The following FOXP2 variants were observed in gnomAD, a reference collection of about 807,000 sequenced individuals.
The protein encoded by FOXP2 is forkhead box protein P2.
FOXP2 carries 12 observed loss-of-function variants against 115.8 expected under a neutral mutation model. The ratio of observed to expected loss-of-function variants is 0.10; its 90% CI spans 0.07 to 0.17. The LOEUF (loss-of-function observed/expected upper bound fraction) is 0.17, where lower values mean the gene tolerates loss of function less well. Ranked by LOEUF, FOXP2 falls within the 10% of genes least tolerant of loss-of-function variation. The pLI is 1.00. For missense variants in FOXP2, 629 were observed against 843.5 expected (o/e 0.75, Z 3.15); for synonymous variants, 328 against 297.7 (o/e 1.10, Z -1.05).
At chr7:114,207,730 A>T (rs1202514058) in intron 1 of FOXP2, among the ~76,000 whole-genome samples, 1 of 152,192 alleles carries the variant, frequency 6.6e-6, no homozygotes, top group Admixed American at 6.5e-5. Flanking sequence ...GTTTATAGCA[A>T]TTTGAATTTG....
At chr7:114,450,144 C>T (rs141160964) in intron 2 of FOXP2, among the ~76,000 whole-genome samples, 2 of 152,082 alleles carry the variant, frequency 1.3e-5, no homozygotes, top group African/African-American at 4.8e-5. Context: ...AGCTTTGAAA[C>T]TCAATGCCAT....
At chr7:114,457,919 A>G (rs868713659) in intron 2 of FOXP2, among the ~76,000 whole-genome samples, 3 of 151,496 alleles carry the variant, frequency 2.0e-5, no homozygotes, top group Admixed American at 6.6e-5. Flanking sequence ...AAGTCTTCTC[A>G]TTTTTGTATT....
At chr7:114,324,870 A>T (rs928938362) in intron 2 of FOXP2, among the ~76,000 whole-genome samples, 1 of 151,832 alleles carries the variant, frequency 6.6e-6, no homozygotes, top group Admixed American at 6.6e-5. Context: ...TTTTCTTTTT[A>T]AAAAATCCAG....
intron 1 of FOXP2, among the ~76,000 whole-genome samples, chr7:114,257,225 G>T (rs569997454): frequency 1.3e-5 from 2 of 152,188 alleles, no homozygotes; most frequent in East Asian, 3.9e-4. Context: ...ATGGTGCTGG[G>T]AGAACTGGCT....
At chr7:114,641,053 G>A (rs1429458397) in intron 6 of FOXP2, among the ~76,000 whole-genome samples, 1 of 152,002 alleles carries the variant, frequency 6.6e-6, no homozygotes, top group Non-Finnish European at 1.5e-5. Flanking sequence ...TCTTAATATA[G>A]TATTTTAATA....
At chr7:114,483,453 T>C (rs1484464482) in intron 2 of FOXP2, among the ~76,000 whole-genome samples, 1 of 151,700 alleles carries the variant, frequency 6.6e-6, no homozygotes, top group African/African-American at 2.4e-5. Flanking sequence ...TTCTACTTGG[T>C]ATCTCTGAAA....
intron 2 of FOXP2, among the ~76,000 whole-genome samples, chr7:114,476,551 T>C (rs570816283): frequency 2.0e-5 from 3 of 152,126 alleles, no homozygotes; most frequent in East Asian, 3.9e-4. Context: ...AGTTTGGTAG[T>C]GTGATGCCTC....
chr7:114,304,630 A>C (rs1280980844), intron 2 of FOXP2, among the ~76,000 whole-genome samples: 2 of 140,544 alleles, frequency 1.4e-5, no homozygotes, highest in Non-Finnish European at 3.0e-5. Context: ...AGATCGCGCA[A>C]CTGCACTCCA....
intron 1 of FOXP2, among the ~76,000 whole-genome samples, chr7:114,164,790 T>C (rs1178166802): frequency 2.6e-5 from 4 of 152,216 alleles, no homozygotes; most frequent in African/African-American, 9.6e-5. Flanking sequence ...GGTGGGTCAG[T>C]ACCGTGCTCC....
chr7:114,538,557 A>G (rs1344427627), intron 3 of FOXP2, among the ~76,000 whole-genome samples: 1 of 151,710 alleles, frequency 6.6e-6, no homozygotes, highest in African/African-American at 2.4e-5. Context: ...TAAAAAGCAA[A>G]AGAGAATTAA....
chr7:114,614,124 T>A (rs1803793254), intron 3 of FOXP2, among the ~76,000 whole-genome samples: 1 of 152,200 alleles, frequency 6.6e-6, no homozygotes, highest in Non-Finnish European at 1.5e-5. Context: ...ATACGTTCCG[T>A]TTTAATTTTG....
intron 1 of FOXP2, among the ~76,000 whole-genome samples, chr7:114,165,107 T>G (rs2129151494): frequency 6.6e-6 from 1 of 152,260 alleles, no homozygotes; most frequent in Non-Finnish European, 1.5e-5. Flanking sequence ...TCCAGAATTT[T>G]CTGGTATGTT....
intron 2 of FOXP2, among the ~76,000 whole-genome samples, chr7:114,354,693 C>T (rs969980782): frequency 3.3e-5 from 5 of 152,088 alleles, no homozygotes; most frequent in African/African-American, 1.2e-4. Flanking sequence ...TCTTCTCCCT[C>T]CCCCTATATT....
At chr7:114,313,756 AAAAAAAC>A (rs1415943891) in intron 2 of FOXP2, among the ~76,000 whole-genome samples, 3 of 53,484 alleles carry the variant, frequency 5.6e-5, no homozygotes, top group East Asian at 5.2e-4. Flanking sequence ...AAAAAAAAAA[AAAAAAAC>A]AAAAATATTG....
intron 1 of FOXP2, among the ~76,000 whole-genome samples, chr7:114,219,929 C>T (rs1280206023): frequency 2.6e-5 from 4 of 151,692 alleles, no homozygotes; most frequent in Non-Finnish European, 5.9e-5. Flanking sequence ...TGCAGTGGCG[C>T]GATCTCGGCT....
At chr7:114,178,913 G>T (rs1332248704) in intron 1 of FOXP2, among the ~76,000 whole-genome samples, 3 of 151,458 alleles carry the variant, frequency 2.0e-5, no homozygotes, top group Non-Finnish European at 3.0e-5. Flanking sequence ...CTTTATGAAC[G>T]TCAACACAAT....
intron 1 of FOXP2, among the ~76,000 whole-genome samples, chr7:114,225,102 G>A (rs1185015002): frequency 6.6e-6 from 1 of 151,926 alleles, no homozygotes; most frequent in East Asian, 1.9e-4. Context: ...GCTGGCTTCA[G>A]TTTGTTAATT....
chr7:114,285,372 T>C (rs1305827998), intron 1 of FOXP2: 1 of 152,096 alleles, frequency 6.6e-6, no homozygotes, highest in African/African-American at 2.4e-5. Flanking sequence ...ATTACCTAAA[T>C]AATATGCTTA....
Position 114,693,253 on chromosome 7 carries a change from G to C in FOXP2, c.*3327G>C, listed in dbSNP as rs1424267637. On this transcript the variant is annotated 3_prime_UTR_variant, in exon 17 of 17. Coordinates refer to ENST00000350908, the MANE Select transcript of FOXP2 (RefSeq NM_014491.4). ...ATGGAGAAAATGTCATCAGCATTCT[G>C]TGTCTACAGCTGCTTAACTTCATAA... 2.2e-6 allele frequency: 1 copy of C among 449,624 alleles called. No homozygotes were observed. Among genetic ancestry groups the C allele is most frequent in the Non-Finnish European group, 4.5e-6 (1 of 224,070 alleles). The allele number at this position is 449,624 out of a possible 1,614,324, so 27.9% of individuals were successfully genotyped here. A position where few individuals can be genotyped will look rare whatever the true frequency, so the allele number is the denominator to read the frequency against.
Sources: allele counts gnomAD v4.1 joint callset (sites outside exome capture counted in the v4.1 genomes callset), GRCh38; gene constraint gnomAD v4.1.1; transcripts MANE v1.5; gene names NCBI Gene and HGNC (gene_info 2026-07-23, HGNC 2026-07-21).